Variants in TMF1 observed in about 807,000 individuals in gnomAD.
The protein encoded by TMF1 is TATA element modulatory factor 1.
In TMF1, 71 loss-of-function variants were observed where a neutral mutation model predicts 126.5. The observed-to-expected ratio is 0.56, with a 90% CI of 0.46 to 0.68. The LOEUF (loss-of-function observed/expected upper bound fraction) is 0.68, where lower values mean the gene tolerates loss of function less well. TMF1 is among the 30% of genes least tolerant of loss of function. TMF1 has a pLI of 0.00. For synonymous variants in TMF1, 461 were observed against 430.5 expected, an observed-to-expected ratio of 1.07 and a Z score of -0.88; for missense variants, 1,259 against 1,253.2, an observed-to-expected ratio of 1.00 and a Z score of -0.07.
In TMF1 at chr3:69,048,335, GT is replaced by G; in HGVS notation, c.369del (p.Gln123HisfsTer7). On this transcript the variant is annotated frameshift_variant, in exon 2 of 17. Transcript: ENST00000398559. LOFTEE classifies it high-confidence loss of function. ...PVVSKPPAKS[Q>X]RPEEEVKSSL... ...CTGCTTTTCACTTCTTCTTCTGGTCGTTGTGATTTTGCTGGAGGTTTTGATA... is the reference window on the plus strand; with the variant it reads ...CTGCTTTTCACTTCTTCTTCTGGTCGTGTGATTTTGCTGGAGGTTTTGATA... 1 of 1,614,142 alleles carries G rather than the reference GT, an allele frequency of 6.2e-7. No individual in the cohort carries two copies. Among genetic ancestry groups the G allele is most frequent in the Non-Finnish European group, 8.5e-7 (1 of 1,180,022 alleles).
chr3:69,024,652 T>C (rs1171693623), intron 15 of TMF1: 1 of 152,210 alleles, frequency 6.6e-6, no homozygotes, highest in African/African-American at 2.4e-5. Flanking sequence ...TCTGATCTAC[T>C]TTTTGCCAAT....
Position 69,028,508 on chromosome 3 carries a change from C to T in TMF1, c.2595-213G>A, listed in dbSNP as rs1354846718. On this transcript the variant is annotated intron_variant, in intron 11 of 16. Coordinates refer to ENST00000398559, the MANE Select transcript of TMF1 (RefSeq NM_007114.3). ...AAAGTGAAAAAGCTCCACTTCTGTG[C>T]ATTTTATTTATTGGTGCTCTGGGTT... 2.0e-5 allele frequency among the ~76,000 whole-genome samples: 3 copies of T among 152,130 alleles called. No homozygotes were observed. In the East Asian group the frequency reaches 5.8e-4, roughly 29 times the overall value.
In TMF1 at chr3:69,043,822, C is replaced by T. The variant is rs1186726148; in HGVS notation, c.1506G>A (p.Glu502=). 1.2e-6 allele frequency: 2 copies of T among 1,611,894 alleles called. No individual in the cohort carries two copies. Among genetic ancestry groups the T allele is most frequent in the East Asian group, 2.2e-5 (1 of 44,746 alleles). Residue 502 remains glutamate (E), a synonymous_variant, in exon 4 of 17, where the codon GAG becomes GAA. Coordinates refer to ENST00000398559, the MANE Select transcript of TMF1 (RefSeq NM_007114.3). Reference sequence around the variant, plus strand: ...CTGCTTCTGCAATTCTTTGAGTAAACTCATCTTTCAAGGAAGAAATGCTAC... The same window carrying T: ...CTGCTTCTGCAATTCTTTGAGTAAATTCATCTTTCAAGGAAGAAATGCTAC... ...ESSSISSLKD[E]FTQRIAEAEK... is the part of the protein sequence containing the mutation.
chr3:69,033,637 A>C lies in TMF1; in HGVS notation c.2312T>G (p.Leu771Trp). ...SQSVSSTTRP[L>W]LRQIENLQAT... The stretch of plus-strand genomic sequence containing the variant: ...TTGCAAATTTTCTATTTGTCGAAGC[A>C]ATGGTCTTGTTGTTGATGAAACACT... Residue 771 changes from leucine (L) to tryptophan (W), a missense_variant, in exon 10 of 17, where the codon TTG (leucine) becomes TGG (tryptophan). Transcript: ENST00000398559. The C allele has an allele frequency of 6.2e-7, 1 of 1,614,070 alleles. No homozygotes were observed. Among genetic ancestry groups the C allele is most frequent in the Non-Finnish European group, 8.5e-7 (1 of 1,179,986 alleles).
chr3:69,042,340 C>A, intron 5 of TMF1: 1 of 455,704 alleles, frequency 2.2e-6, no homozygotes. Context: ...ACTCAGCCAA[C>A]CCTGTTTATT....
At chr3:69,049,408 G>T (rs543161552) in intron 1 of TMF1, among the ~76,000 whole-genome samples, 1 of 152,264 alleles carries the variant, frequency 6.6e-6, no homozygotes, top group South Asian at 2.1e-4. Context: ...CTCAAACCAA[G>T]ATAATGGTGA....
At chr3:69,035,585 G>C (rs769911515) in intron 8 of TMF1, 2 of 153,554 alleles carry the variant, frequency 1.3e-5, no homozygotes, top group African/African-American at 4.8e-5. Flanking sequence ...TCCTAGTCTT[G>C]GGAATTCACT....
chr3:69,029,687 C>T (rs1305988413), intron 11 of TMF1, 128 bp downstream of exon 11: 8 of 816,928 alleles, frequency 9.8e-6, no homozygotes, highest in African/African-American at 8.7e-5. Context: ...GTGATCCGCC[C>T]GCCTTGGCCT....
At position 69,047,750 on chromosome 3, in the gene TMF1, A is replaced by T. The variant is rs987812788; in HGVS notation, c.955T>A (p.Ser319Thr). 4 of 1,614,132 alleles carry T rather than the reference A, an allele frequency of 2.5e-6. No homozygotes were observed. In the Admixed American group the frequency reaches 6.7e-5, roughly 27 times the overall value. ...TCTATTCTTTCAAAAGCATCAGATG[A>T]ACAGCAACTCTCAGTGAGTTTTTGG... is the stretch of plus-strand genomic sequence containing the variant. ...DFQKLTESCC[S>T]SDAFERIDSF... The change falls in exon 2 of 17, where the codon TCA (serine) becomes ACA (threonine). Residue 319 changes from serine to threonine, a missense_variant. Transcript: ENST00000398559.
chr3:69,047,789 G>A lies in TMF1; in HGVS notation c.916C>T (p.Arg306Cys), dbSNP rs1281670068. 4.3e-6 allele frequency: 7 copies of A among 1,614,002 alleles called. No individual in the cohort carries two copies. The highest frequency in any genetic ancestry group is 1.6e-4 in the Middle Eastern group (1 of 6,062). Residue 306 changes from arginine (R) to cysteine (C), a missense_variant, in exon 2 of 17, where the codon CGT becomes TGT. By Grantham distance (180) the Arg-to-Cys change is radical. Coordinates refer to ENST00000398559, the MANE Select transcript of TMF1 (RefSeq NM_007114.3). ...GTGAGTTTTTGGAAATCATCTAAAC[G>A]ATTATATTCAGGACAAGCAGATGCA... ...LSASACPEYN[R>C]LDDFQKLTES... is the part of the protein sequence containing the mutation.
intron 13 of TMF1, among the ~76,000 whole-genome samples, chr3:69,026,412 C>T (rs956695397): frequency 6.6e-6 from 1 of 152,152 alleles, no homozygotes; most frequent in Non-Finnish European, 1.5e-5. Flanking sequence ...ACTTGACTAA[C>T]ATGGAAAAAC....
intron 8 of TMF1, among the ~76,000 whole-genome samples, chr3:69,036,122 A>G (rs990031568): frequency 6.6e-6 from 1 of 152,176 alleles, no homozygotes; most frequent in Non-Finnish European, 1.5e-5. Flanking sequence ...TTCACCTAAT[A>G]AAGTATTATA....
chr3:69,025,480 T>C, intron 15 of TMF1, 80 bp downstream of exon 15: 1 of 1,360,206 alleles, frequency 7.4e-7, no homozygotes, highest in Non-Finnish European at 1.0e-6. Flanking sequence ...TTGCTCAGAA[T>C]TCAGATGGAA....
chr3:69,029,696 C>T, intron 11 of TMF1, 119 bp downstream of exon 11: 1 of 939,616 alleles, frequency 1.1e-6, no homozygotes, highest in Non-Finnish European at 1.6e-6. Context: ...CCGCCTTGGC[C>T]TCCCAATGTG....
chr3:69,049,973 CT>C (rs2107471840), intron 1 of TMF1, among the ~76,000 whole-genome samples: 1 of 152,184 alleles, frequency 6.6e-6, no homozygotes, highest in East Asian at 1.9e-4. Flanking sequence ...TTTAATATGA[CT>C]TCAGGCCAGG....
intron 13 of TMF1, 110 bp downstream of exon 13, chr3:69,027,790 A>G: frequency 1.8e-6 from 1 of 563,102 alleles, no homozygotes; most frequent in South Asian, 2.5e-5. Flanking sequence ...AACCAGGGCC[A>G]CAGGTTGGAC....
chr3:69,049,332 C>G lies in TMF1; in HGVS notation c.143-770G>C, dbSNP rs1346790836. The stretch of plus-strand genomic sequence containing the variant: ...GAAGCTGCAGTGAGCCATGATCAAA[C>G]CACTGCACTTCAGCCTGGGTGACAG... On this transcript the variant is annotated intron_variant, in intron 1 of 16. Coordinates refer to ENST00000398559, the MANE Select transcript of TMF1 (RefSeq NM_007114.3). 5.3e-5 allele frequency among the ~76,000 whole-genome samples: 8 copies of G among 152,362 alleles called. No homozygotes were observed. The East Asian group carries it at 1.5e-3, about 29-fold the overall frequency.
intron 11 of TMF1, among the ~76,000 whole-genome samples, chr3:69,028,830 T>C (rs2107456551): frequency 6.6e-6 from 1 of 152,284 alleles, no homozygotes; most frequent in South Asian, 2.1e-4. Flanking sequence ...TAAATTATAC[T>C]ACTAAAATCC....
intron 8 of TMF1, chr3:69,035,380 A>C (rs1332900891): frequency 2.5e-6 from 1 of 403,954 alleles, no homozygotes; most frequent in African/African-American, 2.0e-5. Flanking sequence ...TTACCATACA[A>C]TATTGGAGAA....
Sources: gnomAD v4.1 joint callset for allele counts (sites outside exome capture counted in the v4.1 genomes callset) on GRCh38, gnomAD v4.1.1 for gene constraint, MANE v1.5 for transcripts, NCBI Gene and HGNC (gene_info 2026-07-23, HGNC 2026-07-21) for gene names.